Variants in NELL1 observed in about 807,000 individuals in gnomAD.
NELL1 encodes neural EGFL like 1.
In NELL1, 76 loss-of-function variants were observed where a neutral mutation model predicts 107.4. The ratio of observed to expected loss-of-function variants is 0.71; its 90% CI spans 0.59 to 0.86. The LOEUF (loss-of-function observed/expected upper bound fraction) is 0.86. Ranked by LOEUF, NELL1 falls within the 40% of genes least tolerant of loss-of-function variation. The pLI, the probability that NELL1 is intolerant of heterozygous loss-of-function variation, is 0.00. For missense variants in NELL1, 1,024 were observed against 1,005.5 expected (o/e 1.02, Z -0.25); for synonymous variants, 353 against 341.2 (o/e 1.03, Z -0.38).
In NELL1 at chr11:21,574,952, CAT is replaced by C. The variant is rs759616574; in HGVS notation, c.2383-19_2383-18del. The C allele has an allele frequency of 6.2e-5, 100 of 1,606,930 alleles. No homozygotes were observed. In the Middle Eastern group the frequency reaches 1.3e-3, roughly 21 times the overall value. ...TATTCCATGTCTCAACTGGCTAACA[CAT>C]GTTTCTTTGATGTACAGAATGGAAG... On this transcript the variant is annotated intron_variant, in intron 19 of 19. Transcript: ENST00000357134.
intron 15 of NELL1, among the ~76,000 whole-genome samples, chr11:21,519,243 GA>G (rs1359092130): frequency 6.6e-6 from 1 of 152,098 alleles, no homozygotes; most frequent in African/African-American, 2.4e-5. Flanking sequence ...AGATCACTGG[GA>G]AAAAGGATGA....
At chr11:21,080,967 CT>C (rs1013944734) in intron 12 of NELL1, among the ~76,000 whole-genome samples, 4 of 150,784 alleles carry the variant, frequency 2.7e-5, no homozygotes, top group African/African-American at 4.9e-5. Context: ...TTCTTTGAGC[CT>C]TTTTTTTTAA....
intron 15 of NELL1, among the ~76,000 whole-genome samples, chr11:21,508,152 A>G (rs1041519756): frequency 5.3e-5 from 8 of 152,176 alleles, no homozygotes; most frequent in Non-Finnish European, 1.2e-4. Flanking sequence ...TAGGAGAAAG[A>G]GACAAGGCAC....
intron 14 of NELL1, among the ~76,000 whole-genome samples, chr11:21,261,189 C>G (rs571304061): frequency 7.3e-5 from 11 of 149,764 alleles, no homozygotes; most frequent in South Asian, 2.1e-4. Flanking sequence ...AATGAAATGG[C>G]CTTTTTTTTT....
chr11:21,005,268 T>C (rs1251055591), intron 12 of NELL1, among the ~76,000 whole-genome samples: 1 of 152,214 alleles, frequency 6.6e-6, no homozygotes, highest in African/African-American at 2.4e-5. Context: ...TATTGTATTA[T>C]GTCCAGAGCA....
intron 2 of NELL1, among the ~76,000 whole-genome samples, chr11:20,756,639 GC>G (rs908220656): frequency 6.7e-6 from 1 of 150,146 alleles, no homozygotes; most frequent in Non-Finnish European, 1.5e-5. Context: ...GGGATTACAG[GC>G]GTGAGCCACC....
At chr11:21,313,586 G>A (rs73454906) in intron 14 of NELL1, among the ~76,000 whole-genome samples, 3,671 of 152,216 alleles carry the variant, frequency 0.024, 173 homozygotes, top group African/African-American at 0.083. Context: ...AGTTTATAAA[G>A]GAAACCAATA....
intron 3 of NELL1, among the ~76,000 whole-genome samples, chr11:20,824,045 C>T (rs1316322308): frequency 6.6e-6 from 1 of 151,084 alleles, no homozygotes; most frequent in African/African-American, 2.4e-5. Context: ...AATTGTAATC[C>T]CATGTGTTGG....
intron 2 of NELL1, among the ~76,000 whole-genome samples, chr11:20,696,608 A>G (rs904970963): frequency 6.6e-6 from 1 of 152,146 alleles, no homozygotes; most frequent in Non-Finnish European, 1.5e-5. Flanking sequence ...TTAACCTATT[A>G]TAGGTTGTAA....
chr11:20,722,746 G>T (rs1489756964), intron 2 of NELL1, among the ~76,000 whole-genome samples: 2 of 152,124 alleles, frequency 1.3e-5, no homozygotes, highest in African/African-American at 4.8e-5. Context: ...AAATACAAGA[G>T]AGTTCATTAC....
chr11:20,921,522 A>C (rs182397763), intron 7 of NELL1, among the ~76,000 whole-genome samples: 1 of 152,268 alleles, frequency 6.6e-6, no homozygotes, highest in Admixed American at 6.5e-5. Flanking sequence ...ATGGTTTGAC[A>C]AGAAAGGGTT....
chr11:20,910,891 T>C (rs1461526651), intron 5 of NELL1, among the ~76,000 whole-genome samples: 1 of 152,204 alleles, frequency 6.6e-6, no homozygotes, highest in Non-Finnish European at 1.5e-5. Flanking sequence ...TAAGAATATG[T>C]ATTAAAAGCA....
intron 15 of NELL1, among the ~76,000 whole-genome samples, chr11:21,422,968 A>G (rs1263117501): frequency 6.6e-6 from 1 of 152,196 alleles, no homozygotes; most frequent in Non-Finnish European, 1.5e-5. Context: ...ATCCAAAGAT[A>G]GGTTAAAAGT....
chr11:20,938,858 C>A (rs963019998), intron 10 of NELL1, among the ~76,000 whole-genome samples: 2 of 151,666 alleles, frequency 1.3e-5, no homozygotes, highest in African/African-American at 4.9e-5. Context: ...CTAGTTTGGA[C>A]TTGATCTTAA....
chr11:20,985,493 C>A (rs1851834837), intron 12 of NELL1, among the ~76,000 whole-genome samples: 1 of 152,076 alleles, frequency 6.6e-6, no homozygotes. Context: ...GGCGTATGGA[C>A]AGCTAATTAA....
intron 15 of NELL1, among the ~76,000 whole-genome samples, chr11:21,396,603 G>C (rs1310089527): frequency 6.6e-6 from 1 of 151,614 alleles, no homozygotes; most frequent in East Asian, 2.0e-4. Context: ...AGGAGCATTA[G>C]GGGAGATAAG....
At position 21,052,664 on chromosome 11, in the gene NELL1, CGA is replaced by C. The variant is rs551731170; in HGVS notation, c.1301-60921_1301-60920del. Reference sequence around the variant, plus strand: ...TTTGGGACTCTGGAGAGTGAGTGGGCGAGAGGACTGGTGCATTTAGTTTGGTC... The same window carrying C: ...TTTGGGACTCTGGAGAGTGAGTGGGCGAGGACTGGTGCATTTAGTTTGGTC... On this transcript the variant is annotated intron_variant, in intron 12 of 19. Coordinates refer to ENST00000357134, the MANE Select transcript of NELL1 (RefSeq NM_006157.5). Among the ~76,000 whole-genome samples, 365 of 152,062 alleles carry C rather than the reference CGA, an allele frequency of 2.4e-3. 1 individual carries two copies. Among genetic ancestry groups the C allele is most frequent in the African/African-American group, 8.2e-3 (339 of 41,484 alleles).
At chr11:21,116,911 G>T (rs1855249551) in intron 13 of NELL1, among the ~76,000 whole-genome samples, 2 of 151,910 alleles carry the variant, frequency 1.3e-5, no homozygotes, top group Non-Finnish European at 2.9e-5. Context: ...TTAAAACTTT[G>T]ATCTAGTGTC....
chr11:20,945,402 T>C (rs1028769230), intron 10 of NELL1, among the ~76,000 whole-genome samples: 2 of 152,348 alleles, frequency 1.3e-5, no homozygotes, highest in Non-Finnish European at 2.9e-5. Context: ...AGAACTTGCA[T>C]GTAACTTCCG....
Sources: gnomAD v4.1 joint callset for allele counts (sites outside exome capture counted in the v4.1 genomes callset) on GRCh38, gnomAD v4.1.1 for gene constraint, MANE v1.5 for transcripts, NCBI Gene and HGNC (gene_info 2026-07-23, HGNC 2026-07-21) for gene names.